Variants in RFX7 observed in about 807,000 individuals in gnomAD.
RFX7 encodes the protein DNA-binding protein RFX7.
In RFX7, 26 loss-of-function variants were observed where a neutral mutation model predicts 111.8. The observed-to-expected ratio is 0.23, with a 90% CI of 0.17 to 0.32. RFX7 has a LOEUF of 0.32. RFX7 is among the 10% of genes least tolerant of loss of function. RFX7 has a pLI of 1.00. For synonymous variants in RFX7, 624 were observed against 624.4 expected, an observed-to-expected ratio of 1.00 and a Z score of 0.01; for missense variants, 1,573 against 1,772.9, an observed-to-expected ratio of 0.89 and a Z score of 2.02.
At chr15:56,193,981 G>T (rs1308288294) in intron 2 of RFX7, among the ~76,000 whole-genome samples, 1 of 151,964 alleles carries the variant, frequency 6.6e-6, no homozygotes, top group African/African-American at 2.4e-5. Context: ...CAAATTTAAA[G>T]ATGATACAAT....
chr15:56,128,494 C>A (rs1334696886), intron 5 of RFX7, among the ~76,000 whole-genome samples: 2 of 152,102 alleles, frequency 1.3e-5, no homozygotes, highest in African/African-American at 4.8e-5. Flanking sequence ...ATAATCATCT[C>A]AATAGATGCA....
chr15:56,101,498 A>G lies in RFX7; in HGVS notation c.672T>C (p.Arg224=), dbSNP rs746008068. The change falls in exon 8 of 10, where the codon CGT becomes CGC. Residue 224 remains arginine, a synonymous_variant. Coordinates refer to ENST00000559447, the MANE Select transcript of RFX7 (RefSeq NM_022841.7). ...CTTTCTGGGCCCACTCACACACAAGACGGCAAGCAGAAGAGATAACTTCTT... is the reference window on the plus strand; with the variant it reads ...CTTTCTGGGCCCACTCACACACAAGGCGGCAAGCAGAAGAGATAACTTCTT... ...IDEEVISSAC[R]LVCEWAQKVL... is the part of the protein sequence containing the mutation. 3.7e-6 allele frequency: 6 copies of G among 1,613,644 alleles called. No homozygotes were observed.
chr15:56,154,937 A>C (rs1457241019), intron 3 of RFX7, among the ~76,000 whole-genome samples: 1 of 152,220 alleles, frequency 6.6e-6, no homozygotes, highest in Non-Finnish European at 1.5e-5. Context: ...TTACAAGAAA[A>C]AAAACAACCC....
intron 2 of RFX7, among the ~76,000 whole-genome samples, chr15:56,221,837 TCTTTTA>T (rs2043430093): frequency 6.6e-6 from 1 of 152,216 alleles, no homozygotes; most frequent in Non-Finnish European, 1.5e-5. Flanking sequence ...TGTTTCACGA[TCTTTTA>T]CTTCTACATG....
chr15:56,108,687 T>G (rs1226648463), intron 5 of RFX7, among the ~76,000 whole-genome samples: 13 of 152,130 alleles, frequency 8.5e-5, no homozygotes, highest in Admixed American at 7.2e-4. Flanking sequence ...GTACTGGAAG[T>G]TCTGGCCAGG....
chr15:56,148,447 C>T (rs2042516541), intron 3 of RFX7, among the ~76,000 whole-genome samples: 1 of 152,162 alleles, frequency 6.6e-6, no homozygotes, highest in East Asian at 1.9e-4. Flanking sequence ...TCAGATTCAA[C>T]ATTCATTTTT....
chr15:56,138,517 G>A (rs199676965), intron 5 of RFX7, among the ~76,000 whole-genome samples: 49,167 of 146,544 alleles, frequency 0.34, 8,832 homozygotes, highest in East Asian at 0.43. Flanking sequence ...GTCTCTGCAC[G>A]TGAGATGGGT....
At chr15:56,128,994 G>C (rs560491202) in intron 5 of RFX7, among the ~76,000 whole-genome samples, 1 of 152,110 alleles carries the variant, frequency 6.6e-6, no homozygotes, top group African/African-American at 2.4e-5. Context: ...AGATTAAGAT[G>C]TATACATCCT....
intron 8 of RFX7, 42 bp from the exon 9 acceptor site, chr15:56,098,418 T>A (rs748344): frequency 2.0e-5 from 31 of 1,523,388 alleles, no homozygotes; most frequent in Middle Eastern, 4.1e-4. Flanking sequence ...AATACTCTCC[T>A]TTATAGAAGG....
At chr15:56,120,334 TG>T (rs1437515196) in intron 5 of RFX7, among the ~76,000 whole-genome samples, 2 of 152,248 alleles carry the variant, frequency 1.3e-5, no homozygotes, top group Non-Finnish European at 2.9e-5. Flanking sequence ...TACTGATTTT[TG>T]TATGTTGATA....
In RFX7 at chr15:56,092,237, T is replaced by TAAAG. The variant is rs1351093947; in HGVS notation, c.*1104_*1107dup. On this transcript the variant is annotated 3_prime_UTR_variant, in exon 10 of 10. Coordinates refer to ENST00000559447, the MANE Select transcript of RFX7 (RefSeq NM_022841.7). Reference sequence around the variant, plus strand: ...TATCCCCTTTGTTTCATCAGAGATATAAAGATTTGTGGCTTCAGACCTTAG... The same window carrying TAAAG: ...TATCCCCTTTGTTTCATCAGAGATATAAAGAAAGATTTGTGGCTTCAGACCTTAG... 12 of 152,598 alleles carry TAAAG rather than the reference T, an allele frequency of 7.9e-5. No homozygotes were observed. The highest frequency in any genetic ancestry group is 7.9e-4 in the Admixed American group (12 of 15,278). The allele number at this position is 152,598 out of a possible 1,614,324, so 9.5% of individuals were successfully genotyped here.
rs1484622616 is a variant in RFX7 at position 56,139,350 on chromosome 15, CTTCATTTCA to C, written c.401+3419_401+3427del. On this transcript the variant is annotated intron_variant, in intron 5 of 9. Coordinates refer to ENST00000559447, the MANE Select transcript of RFX7 (RefSeq NM_022841.7). ...TTTTTTCTCTAAAATTCCCTTCTCG[CTTCATTTCA>C]TTCATTTCATCATCCATCGCTGATA... Among the ~76,000 whole-genome samples, 2 of 152,268 alleles carry C rather than the reference CTTCATTTCA, an allele frequency of 1.3e-5. 1 individual carries two copies.
At chr15:56,221,729 T>C (rs775250421) in intron 2 of RFX7, among the ~76,000 whole-genome samples, 3 of 152,180 alleles carry the variant, frequency 2.0e-5, no homozygotes, top group African/African-American at 4.8e-5. Context: ...GATTACAATA[T>C]ATATCCTTAA....
rs766009038 is a variant in RFX7 at position 56,094,836 on chromosome 15, C to CGGGGTT, written c.2886_2891dup (p.Pro964_Thr965dup). The CGGGGTT allele has an allele frequency of 1.8e-3, 2,817 of 1,562,872 alleles. 13 individuals carry two copies. Among genetic ancestry groups the CGGGGTT allele is most frequent in the Middle Eastern group, 2.9e-3 (17 of 5,922 alleles). Reference sequence around the variant, plus strand: ...GAGATCCAGCAATCATTTCAGATGTCGGGGTTGGGGTTGGGGTTGGAGTAG... The same window carrying CGGGGTT: ...GAGATCCAGCAATCATTTCAGATGTCGGGGTTGGGGTTGGGGTTGGGGTTGGAGTAG... On this transcript the variant is annotated inframe_insertion, in exon 10 of 10. Transcript: ENST00000559447.
chr15:56,185,973 T>C (rs1028665419), intron 2 of RFX7, among the ~76,000 whole-genome samples: 21 of 152,242 alleles, frequency 1.4e-4, no homozygotes, highest in African/African-American at 5.1e-4. Context: ...GTTTCACATT[T>C]GTCTCTGCTG....
rs1192713576 is a variant in RFX7 at position 56,243,621 on chromosome 15, G to C, written c.-179C>G. On this transcript the variant is annotated 5_prime_UTR_variant, in exon 1 of 10. Coordinates refer to ENST00000559447, the MANE Select transcript of RFX7 (RefSeq NM_022841.7). Reference sequence around the variant, plus strand: ...GCCGGGGCTGTGGGGGGGTGAGATGGGGGCGTTTGAAGACGAAGTGGGGGG... The same window carrying C: ...GCCGGGGCTGTGGGGGGGTGAGATGCGGGCGTTTGAAGACGAAGTGGGGGG... The C allele has an allele frequency of 1.3e-5, 3 of 238,026 alleles. No individual in the cohort carries two copies. Among genetic ancestry groups the C allele is most frequent in the African/African-American group, 4.8e-5 (2 of 41,348 alleles). The allele number at this position is 238,026 out of a possible 1,614,324, so 14.7% of individuals were successfully genotyped here. A position where few individuals can be genotyped will look rare whatever the true frequency, so the allele number is the denominator to read the frequency against.
chr15:56,212,541 T>G (rs1257523771), intron 2 of RFX7, among the ~76,000 whole-genome samples: 4 of 152,166 alleles, frequency 2.6e-5, no homozygotes, highest in Non-Finnish European at 5.9e-5. Flanking sequence ...TAAACCAGTT[T>G]TAACAACTGT....
chr15:56,185,395 T>G (rs1349958668), intron 2 of RFX7, among the ~76,000 whole-genome samples: 4 of 152,158 alleles, frequency 2.6e-5, no homozygotes, highest in African/African-American at 7.2e-5. Context: ...GCTAGAGGGA[T>G]TTCCATATAG....
At chr15:56,241,967 ATAAC>A in intron 2 of RFX7, among the ~76,000 whole-genome samples, 1 of 152,372 alleles carries the variant, frequency 6.6e-6, no homozygotes, top group East Asian at 1.9e-4. Flanking sequence ...AAATTACTAT[ATAAC>A]TAACCTAAAT....
Sources: allele counts gnomAD v4.1 joint callset (sites outside exome capture counted in the v4.1 genomes callset), GRCh38; gene constraint gnomAD v4.1.1; transcripts MANE v1.5; gene names NCBI Gene and HGNC (gene_info 2026-07-23, HGNC 2026-07-21).